The following FARSB variants were observed in gnomAD, a reference collection of about 807,000 sequenced individuals.
FARSB encodes the protein phenylalanine--tRNA ligase beta subunit.
FARSB carries 40 observed loss-of-function variants against 69.6 expected under a neutral mutation model. That is an observed-to-expected ratio of 0.57 (90% CI 0.45 to 0.75). The LOEUF is 0.75. Ranked by LOEUF, FARSB falls within the 30% of genes least tolerant of loss-of-function variation. The probability of loss-of-function intolerance (pLI) is 0.00; values close to 1 mark genes in which losing one functional copy is unlikely to be tolerated. For synonymous variants in FARSB, 235 were observed against 247.2 expected (o/e 0.95, Z 0.46); for missense variants, 632 against 722.9 (o/e 0.87, Z 1.44).
At chr2:222,605,334 T>C (rs1269635978) in intron 15 of FARSB, among the ~76,000 whole-genome samples, 36 of 152,214 alleles carry the variant, frequency 2.4e-4, no homozygotes, top group Admixed American at 2.4e-3. Flanking sequence ...GGATGTCACA[T>C]GCTTCCACTT....
chr2:222,618,696 C>T (rs1193330646), intron 14 of FARSB, among the ~76,000 whole-genome samples: 1 of 152,172 alleles, frequency 6.6e-6, no homozygotes, highest in Admixed American at 6.5e-5. Flanking sequence ...ATATTCCTAA[C>T]CTCTAAATGA....
intron 1 of FARSB, among the ~76,000 whole-genome samples, chr2:222,649,234 T>TAAAA (rs71961708): frequency 1.5e-4 from 13 of 88,296 alleles, no homozygotes; most frequent in African/African-American, 3.5e-4. Flanking sequence ...CTCAAAAAAT[T>TAAAA]AAAAAAAAAA....
intron 15 of FARSB, 73 bp downstream of exon 15, chr2:222,613,738 G>A (rs1023694213): frequency 2.1e-6 from 2 of 950,238 alleles, no homozygotes; most frequent in Non-Finnish European, 3.4e-6. Flanking sequence ...CTGCTTTTAT[G>A]TATAGTTAAG....
intron 1 of FARSB, among the ~76,000 whole-genome samples, chr2:222,652,621 C>T (rs77947811): frequency 0.01 from 1,556 of 152,328 alleles, 17 homozygotes; most frequent in Non-Finnish European, 0.016. Context: ...GGCCAAAAAT[C>T]AGCAAGGAAC....
At chr2:222,623,408 T>C (rs1484352883) in intron 13 of FARSB, among the ~76,000 whole-genome samples, 1 of 152,196 alleles carries the variant, frequency 6.6e-6, no homozygotes, top group Non-Finnish European at 1.5e-5. Flanking sequence ...ATAAAATACT[T>C]TGTCATCTCT....
chr2:222,640,501 G>A (rs1250039869), intron 4 of FARSB, among the ~76,000 whole-genome samples: 2 of 149,908 alleles, frequency 1.3e-5, no homozygotes, highest in African/African-American at 2.5e-5. Flanking sequence ...GCGTGTGTCT[G>A]TACTCCCAAA....
At chr2:222,618,644 T>A (rs1351900375) in intron 14 of FARSB, among the ~76,000 whole-genome samples, 1 of 152,178 alleles carries the variant, frequency 6.6e-6, no homozygotes. Context: ...ATAACACAAA[T>A]CACTTAATAC....
At chr2:222,642,334 G>T (rs532934556) in intron 3 of FARSB, among the ~76,000 whole-genome samples, 1 of 152,272 alleles carries the variant, frequency 6.6e-6, no homozygotes, top group South Asian at 2.1e-4. Context: ...GCTGGAAGGG[G>T]CCTTATAAAT....
At chr2:222,582,339 C>G (rs112758092) in intron 16 of FARSB, among the ~76,000 whole-genome samples, 36 of 152,254 alleles carry the variant, frequency 2.4e-4, no homozygotes, top group African/African-American at 7.9e-4. Context: ...TGTAAAGTAT[C>G]AGCCCCTCAG....
chr2:222,578,027 T>A (rs1011239335), intron 16 of FARSB, among the ~76,000 whole-genome samples: 4 of 152,188 alleles, frequency 2.6e-5, no homozygotes, highest in African/African-American at 9.7e-5. Context: ...TCAAACTGTG[T>A]AAAACCAAAG....
At chr2:222,584,285 A>C (rs896491082) in intron 16 of FARSB, among the ~76,000 whole-genome samples, 10 of 152,212 alleles carry the variant, frequency 6.6e-5, no homozygotes, top group Non-Finnish European at 1.2e-4. Context: ...AAAATTAACA[A>C]AATGGGGACT....
intron 16 of FARSB, among the ~76,000 whole-genome samples, chr2:222,573,838 G>A (rs1038816590): frequency 2.6e-5 from 4 of 152,168 alleles, no homozygotes; most frequent in African/African-American, 9.7e-5. Context: ...TAGATTCAAC[G>A]GGTACGTGTT....
intron 14 of FARSB, among the ~76,000 whole-genome samples, chr2:222,615,181 G>T (rs1209190648): frequency 2.0e-5 from 3 of 152,126 alleles, no homozygotes; most frequent in Non-Finnish European, 4.4e-5. Flanking sequence ...TCCAACACAT[G>T]TTACCAGAAG....
chr2:222,656,051 C>T lies in FARSB; in HGVS notation c.23G>A (p.Arg8His), dbSNP rs1394658026. The T allele has an allele frequency of 1.3e-6, 2 of 1,597,220 alleles. No homozygotes were observed. The highest frequency in any genetic ancestry group is 1.8e-5 in the Admixed American group (1 of 56,252). Reference sequence around the variant, plus strand: ...GCCCAGGGCTTGGAAGAGCAGATCACGCTTCACGCTGACAGTCGGCATGGT... The same window carrying T: ...GCCCAGGGCTTGGAAGAGCAGATCATGCTTCACGCTGACAGTCGGCATGGT... MPTVSVKRDLLFQALGRT... is the reference protein window; with the variant it reads MPTVSVKHDLLFQALGRT... The change falls in exon 1 of 17, where the codon CGT (arginine) becomes CAT (histidine). Residue 8 changes from arginine (R) to histidine (H), a missense_variant. Coordinates refer to ENST00000281828, the MANE Select transcript of FARSB (RefSeq NM_005687.5).
chr2:222,569,050 A>G lies in FARSB; in HGVS notation c.*2821T>C, dbSNP rs1194079373. ...ACAGACTGCCCTGGCTCCAGTTCAA[A>G]TGCTTCACCAGGGACAAGTGTAAGA... is the stretch of plus-strand genomic sequence containing the variant. On this transcript the variant is annotated 3_prime_UTR_variant, in exon 17 of 17. Coordinates refer to ENST00000281828, the MANE Select transcript of FARSB (RefSeq NM_005687.5). 1 of 152,174 alleles carries G rather than the reference A, an allele frequency of 6.6e-6. No individual in the cohort carries two copies. The highest frequency in any genetic ancestry group is 1.9e-4 in the East Asian group (1 of 5,200). The allele number at this position is 152,174 out of a possible 1,614,324, so 9.4% of individuals were successfully genotyped here. A position where few individuals can be genotyped will look rare whatever the true frequency, so the allele number is the denominator to read the frequency against.
chr2:222,631,624 T>C lies in FARSB; in HGVS notation c.766A>G (p.Thr256Ala). ...CTTACCTTAGTAAAGTCAGTTCCCGTGCATTCAATAAAAATATTTCTAGTA... is the reference window on the plus strand; with the variant it reads ...CTTACCTTAGTAAAGTCAGTTCCCGCGCATTCAATAAAAATATTTCTAGTA... Reference protein sequence around the residue: ...VNTRNIFIECTGTDFTKAKIV... With the variant: ...VNTRNIFIECAGTDFTKAKIV... Residue 256 changes from threonine (T) to alanine (A), a missense_variant, in exon 8 of 17, where the codon ACG (threonine) becomes GCG (alanine). Coordinates refer to ENST00000281828, the MANE Select transcript of FARSB (RefSeq NM_005687.5). 1.3e-6 allele frequency: 2 copies of C among 1,566,060 alleles called. No individual in the cohort carries two copies. The highest frequency in any genetic ancestry group is 1.8e-6 in the Non-Finnish European group (2 of 1,136,656).
rs187554698 is a variant in FARSB at position 222,591,252 on chromosome 2, G to A, written c.1618+8676C>T. Among the ~76,000 whole-genome samples, 637 of 150,434 alleles carry A rather than the reference G, an allele frequency of 4.2e-3. 2 individuals carry two copies. The highest frequency in any genetic ancestry group is 0.014 in the Admixed American group (216 of 15,022). On this transcript the variant is annotated intron_variant, in intron 16 of 16. Transcript: ENST00000281828. ...GAAAGAAAGAAAAAGAAAGAAATACGAGCTGAACCATCAATGTTCTGGCAG... is the reference window on the plus strand; with the variant it reads ...GAAAGAAAGAAAAAGAAAGAAATACAAGCTGAACCATCAATGTTCTGGCAG...
chr2:222,598,118 A>G (rs758086295), intron 16 of FARSB, among the ~76,000 whole-genome samples: 2 of 152,082 alleles, frequency 1.3e-5, no homozygotes, highest in Non-Finnish European at 2.9e-5. Flanking sequence ...GAAACTCCCT[A>G]TTGTTTTTCT....
intron 16 of FARSB, among the ~76,000 whole-genome samples, chr2:222,589,244 C>T (rs1166915816): frequency 6.6e-6 from 1 of 151,838 alleles, no homozygotes; most frequent in Non-Finnish European, 1.5e-5. Flanking sequence ...ACAAACCTGA[C>T]AAAAACAAAA....
Sources: allele counts gnomAD v4.1 joint callset (sites outside exome capture counted in the v4.1 genomes callset), GRCh38; gene constraint gnomAD v4.1.1; transcripts MANE v1.5; gene names NCBI Gene and HGNC (gene_info 2026-07-23, HGNC 2026-07-21).